Variants in PRPF8 observed in about 807,000 individuals in gnomAD.
The protein encoded by PRPF8 is pre-mRNA processing factor 8.
Under a neutral mutation model 285.9 loss-of-function variants are expected in PRPF8, and 64 were observed. The observed-to-expected ratio is 0.22, with a 90% CI of 0.18 to 0.28. The LOEUF is 0.28. Ranked by LOEUF, PRPF8 falls within the 10% of genes least tolerant of loss-of-function variation. PRPF8 has a pLI of 1.00. For missense variants in PRPF8, 1,426 were observed against 3,026.7 expected (o/e 0.47, Z 12.41); for synonymous variants, 1,325 against 1,118.2 (o/e 1.18, Z -3.69).
intron 24 of PRPF8, among the ~76,000 whole-genome samples, chr17:1,672,190 C>T (rs1430411479): frequency 1.3e-5 from 2 of 152,090 alleles, no homozygotes; most frequent in African/African-American, 4.8e-5. Flanking sequence ...ATGCAAATGC[C>T]GCACATTTAG....
chr17:1,664,182 C>T (rs1380421377), intron 24 of PRPF8, among the ~76,000 whole-genome samples: 1 of 152,018 alleles, frequency 6.6e-6, no homozygotes, highest in Non-Finnish European at 1.5e-5. Flanking sequence ...AGGCGTGTAC[C>T]ACCACACCCA....
chr17:1,675,539 T>C lies in PRPF8; in HGVS notation c.2872+81A>G. On this transcript the variant is annotated intron_variant, in intron 19 of 42. Transcript: ENST00000304992. The surrounding 1 kb of genome is among the most constrained non-coding windows in gnomAD (Gnocchi z 6.0). ...ACCACGCATCAAGAGAGTAAACCAA[T>C]CATGCTACCCAGATGAGATTTTTGA... 6.4e-7 allele frequency: 1 copy of C among 1,574,788 alleles called. No homozygotes were observed. Among genetic ancestry groups the C allele is most frequent in the Non-Finnish European group, 8.7e-7 (1 of 1,145,406 alleles).
chr17:1,679,782 C>A lies in PRPF8; in HGVS notation c.1116G>T (p.Pro372=). The change falls in exon 9 of 43, where the codon CCG becomes CCT. Residue 372 remains proline, a synonymous_variant. Transcript: ENST00000304992. This position sits in a 1 kb window ranked among gnomAD's most constrained non-coding sequence, Gnocchi z 4.7. ...GGAGCTCAAATTCCTCATCATCATC[C>A]GGCAATGGTTCCTGGCTCTGAAAAA... ...RHSVKSQEPL[P]DDDEEFELPE... 1 of 1,614,184 alleles carries A rather than the reference C, an allele frequency of 6.2e-7. No homozygotes were observed. The highest frequency in any genetic ancestry group is 1.1e-5 in the South Asian group (1 of 91,082).
chr17:1,659,594 C>T lies in PRPF8; in HGVS notation c.4947-46G>A, dbSNP rs1911576983. 40 of 1,605,180 alleles carry T rather than the reference C, an allele frequency of 2.5e-5. No homozygotes were observed. Among genetic ancestry groups the T allele is most frequent in the Non-Finnish European group, 3.2e-5 (38 of 1,172,522 alleles). On this transcript the variant is annotated intron_variant, in intron 31 of 42. Coordinates refer to ENST00000304992, the MANE Select transcript of PRPF8 (RefSeq NM_006445.4). The surrounding 1 kb of genome is among the most constrained non-coding windows in gnomAD (Gnocchi z 5.1). Reference sequence around the variant, plus strand: ...AGCTTCTAAGAAACCATGGGCATAACCAATGTCCCCAGAACCAGAACCACT... The same window carrying T: ...AGCTTCTAAGAAACCATGGGCATAATCAATGTCCCCAGAACCAGAACCACT...
intron 24 of PRPF8, among the ~76,000 whole-genome samples, chr17:1,668,602 T>C (rs1399994454): frequency 6.6e-6 from 1 of 152,018 alleles, no homozygotes; most frequent in Non-Finnish European, 1.5e-5. Flanking sequence ...GAACTCGTGA[T>C]CCACCCGCCT....
intron 24 of PRPF8, among the ~76,000 whole-genome samples, chr17:1,669,483 A>C (rs1188674861): frequency 6.6e-6 from 1 of 152,072 alleles, no homozygotes; most frequent in East Asian, 1.9e-4. Context: ...TGTCATTCAA[A>C]AACACCTGCA....
Position 1,675,518 on chromosome 17 carries a change from C to T in PRPF8, c.2872+102G>A, listed in dbSNP as rs958531203. ...CGAACACTACTTCCCTTTACTACCA[C>T]GCATCAAGAGAGTAAACCAATCATG... On this transcript the variant is annotated intron_variant, in intron 19 of 42. Coordinates refer to ENST00000304992, the MANE Select transcript of PRPF8 (RefSeq NM_006445.4). This position sits in a 1 kb window ranked among gnomAD's most constrained non-coding sequence, Gnocchi z 6.0. 2.5e-5 allele frequency: 38 copies of T among 1,501,308 alleles called. No individual in the cohort carries two copies. The highest frequency in any genetic ancestry group is 1.0e-4 in the South Asian group (9 of 88,788). 93.0% of individuals were successfully genotyped at this position (1,501,308 alleles called of 1,614,324 possible).
Position 1,656,632 on chromosome 17 carries a change from C to G in PRPF8, c.5619+16G>C, listed in dbSNP as rs143752933. 4,386 of 1,613,774 alleles carry G rather than the reference C, an allele frequency of 2.7e-3. 14 individuals are homozygous for G. The highest frequency in any genetic ancestry group is 3.3e-3 in the Non-Finnish European group (3,895 of 1,179,766). ...TCTCAAGGTCTCTTTTCTCCTACCC[C>G]ACCCCACCCTCTTACCTCCAGTGGG... is the stretch of plus-strand genomic sequence containing the variant. On this transcript the variant is annotated intron_variant, in intron 35 of 42. Transcript: ENST00000304992.
rs1035719605 is a variant in PRPF8 at position 1,650,784 on chromosome 17, C to G, written c.*18G>C. ...AGGCTTCGGCCTCGGGAGGCTGAAG[C>G]AGGAGGCAGGGAAACGGTCAGGCAT... On this transcript the variant is annotated 3_prime_UTR_variant, in exon 43 of 43. Transcript: ENST00000304992. 2 of 1,613,478 alleles carry G rather than the reference C, an allele frequency of 1.2e-6. No individual in the cohort carries two copies. Among genetic ancestry groups the G allele is most frequent in the Non-Finnish European group, 1.7e-6 (2 of 1,179,890 alleles).
At position 1,675,179 on chromosome 17, in the gene PRPF8, G is replaced by C; in HGVS notation, c.3033C>G (p.Ala1011=). 1 of 1,614,010 alleles carries C rather than the reference G, an allele frequency of 6.2e-7. No individual in the cohort carries two copies. The highest frequency in any genetic ancestry group is 8.5e-7 in the Non-Finnish European group (1 of 1,180,042). The change falls in exon 20 of 43, where the codon GCC becomes GCG. Residue 1011 remains alanine, a synonymous_variant. Transcript: ENST00000304992. The surrounding 1 kb of genome is among the most constrained non-coding windows in gnomAD (Gnocchi z 6.0). ...VDHNIADYMT[A]KNNVVINYKD... is the part of the protein sequence containing the mutation. The stretch of plus-strand genomic sequence containing the variant: ...TATAGTTGATGACGACGTTGTTCTT[G>C]GCTGTCATGTAGTCGGCTATGTTGT...
chr17:1,658,259 C>T lies in PRPF8; in HGVS notation c.5499G>A (p.Leu1833=), dbSNP rs1911501017. 1 of 1,614,220 alleles carries T rather than the reference C, an allele frequency of 6.2e-7. No homozygotes were observed. The highest frequency in any genetic ancestry group is 1.3e-5 in the African/African-American group (1 of 75,062). The change falls in exon 34 of 43, where the codon TTG becomes TTA. Residue 1833 remains leucine, a synonymous_variant. Coordinates refer to ENST00000304992, the MANE Select transcript of PRPF8 (RefSeq NM_006445.4). The surrounding 1 kb of genome is among the most constrained non-coding windows in gnomAD (Gnocchi z 4.1). Reference sequence around the variant, plus strand: ...CATCTTTAAACCTGCTCACCTGCCCCAAACGCTTCTGTCCCGCCCACACGG... The same window carrying T: ...CATCTTTAAACCTGCTCACCTGCCCTAAACGCTTCTGTCCCGCCCACACGG... ...HTSVWAGQKR[L]GQLAKWKTAE...
In PRPF8 at chr17:1,660,622, G is replaced by C. The variant is rs767042276; in HGVS notation, c.4639-44C>G. Reference sequence around the variant, plus strand: ...TGTGACATTAGAGATCAAGAGACTCGGGCGCTCACGACATAACCAAGGCAA... The same window carrying C: ...TGTGACATTAGAGATCAAGAGACTCCGGCGCTCACGACATAACCAAGGCAA... On this transcript the variant is annotated intron_variant, in intron 29 of 42. Coordinates refer to ENST00000304992, the MANE Select transcript of PRPF8 (RefSeq NM_006445.4). The C allele has an allele frequency of 3.7e-6, 6 of 1,614,096 alleles. No homozygotes were observed. In the African/African-American group the frequency reaches 4.0e-5, roughly 11 times the overall value.
In PRPF8 at chr17:1,653,126, G is replaced by T. The variant is rs1911173847; in HGVS notation, c.6369+416C>A. ...GCTAATTTTTTGTATTTTTAGTAGAGACAGGGTTTCACCATATTGGTCAGG... is the reference window on the plus strand; with the variant it reads ...GCTAATTTTTTGTATTTTTAGTAGATACAGGGTTTCACCATATTGGTCAGG... On this transcript the variant is annotated intron_variant, in intron 39 of 42. Transcript: ENST00000304992. This position sits in a 1 kb window ranked among gnomAD's most constrained non-coding sequence, Gnocchi z 4.9. 9.6e-6 allele frequency: 3 copies of T among 311,304 alleles called. No homozygotes were observed. The highest frequency in any genetic ancestry group is 1.9e-5 in the Non-Finnish European group (3 of 159,590). The allele number at this position is 311,304 out of a possible 1,614,324, so 19.3% of individuals were successfully genotyped here. A position where few individuals can be genotyped will look rare whatever the true frequency, so the allele number is the denominator to read the frequency against.
Position 1,683,580 on chromosome 17 carries a change from T to A in PRPF8, c.222A>T (p.Gly74=), listed in dbSNP as rs1268876623. 1 of 1,614,208 alleles carries A rather than the reference T, an allele frequency of 6.2e-7. No individual in the cohort carries two copies. The change falls in exon 3 of 43, where the codon GGA becomes GGT. Residue 74 remains glycine, a synonymous_variant. Transcript: ENST00000304992. The part of the protein sequence containing the change: ...EHVRKIIRDH[G]DMTNRKFRHD... ...GGCGGAACTTCCTGTTGGTCATGTCTCCATGGTCTCGAATGATCTTCCTGA... is the reference window on the plus strand; with the variant it reads ...GGCGGAACTTCCTGTTGGTCATGTCACCATGGTCTCGAATGATCTTCCTGA...
chr17:1,684,651 G>A, intron 1 of PRPF8, 69 bp from the exon 2 acceptor site: 2 of 1,444,750 alleles, frequency 1.4e-6, no homozygotes, highest in South Asian at 1.2e-5. Flanking sequence ...CAGCAGAAAG[G>A]CGTCCGGGGA....
intron 8 of PRPF8, 48 bp downstream of exon 8, chr17:1,680,678 G>T: frequency 2.6e-6 from 4 of 1,529,810 alleles, no homozygotes; most frequent in Non-Finnish European, 3.6e-6. Context: ...CCAACCTCAC[G>T]CATTTCTCCT....
chr17:1,653,197 C>T lies in PRPF8; in HGVS notation c.6369+345G>A. 2.4e-6 allele frequency: 1 copy of T among 425,512 alleles called. No homozygotes were observed. The highest frequency in any genetic ancestry group is 4.4e-6 in the Non-Finnish European group (1 of 226,858). The allele number at this position is 425,512 out of a possible 1,614,324, so 26.4% of individuals were successfully genotyped here. A position where few individuals can be genotyped will look rare whatever the true frequency, so the allele number is the denominator to read the frequency against. On this transcript the variant is annotated intron_variant, in intron 39 of 42. Transcript: ENST00000304992. This position sits in a 1 kb window ranked among gnomAD's most constrained non-coding sequence, Gnocchi z 4.9. ...TCAGGTGATCCACCCACCTAGGCCT[C>T]CCAAAGTGCTGGGATTATAGGCATT...
At chr17:1,669,828 T>G (rs777299486) in intron 24 of PRPF8, among the ~76,000 whole-genome samples, 5 of 152,168 alleles carry the variant, frequency 3.3e-5, no homozygotes, top group Non-Finnish European at 7.4e-5. Context: ...ACACTTCATC[T>G]TAGTATTCCC....
At position 1,681,564 on chromosome 17, in the gene PRPF8, C is replaced by T; in HGVS notation, c.780G>A (p.Leu260=). The change falls in exon 6 of 43, where the codon TTG becomes TTA. Residue 260 remains leucine (L), a synonymous_variant. Transcript: ENST00000304992. ...VDDNYFYLFD[L]KAFFTSKALN... ...GTGCCTTGGACGTAAAGAAGGCCTT[C>T]AAATCAAACAGGTAGAAGTAGTTGT... The T allele has an allele frequency of 1.2e-6, 2 of 1,613,962 alleles. No individual in the cohort carries two copies. The highest frequency in any genetic ancestry group is 1.7e-6 in the Non-Finnish European group (2 of 1,179,864).
Sources: allele counts gnomAD v4.1 joint callset (sites outside exome capture counted in the v4.1 genomes callset), GRCh38; gene constraint gnomAD v4.1.1; non-coding constraint Gnocchi (gnomAD v3.1); transcripts MANE v1.5; gene names NCBI Gene and HGNC (gene_info 2026-07-23, HGNC 2026-07-21).